Variants in MAGI2 observed in about 807,000 individuals in gnomAD.
The protein encoded by MAGI2 is membrane associated guanylate kinase, WW and PDZ domain containing 2, also known as membrane-associated guanylate kinase, WW and PDZ domain-containing protein 2.
A neutral mutation model predicts 133.3 loss-of-function variants in MAGI2; 35 were observed. The ratio of observed to expected loss-of-function variants is 0.26; its 90% confidence interval spans 0.20 to 0.35. The LOEUF is 0.35. Among genes scored for constraint, MAGI2 ranks in the 10% least tolerant of loss-of-function variants. The pLI is 1.00. For synonymous variants in MAGI2, 729 were observed against 710.6 expected, an observed-to-expected ratio of 1.03 and a Z score of -0.41; for missense variants, 1,636 against 1,863.4, an observed-to-expected ratio of 0.88 and a Z score of 2.25.
chr7:79,009,226 T>A (rs1807795670), intron 1 of MAGI2: 1 of 152,124 alleles, frequency 6.6e-6, no homozygotes, highest in South Asian at 2.1e-4. Flanking sequence ...TAAACCTTTT[T>A]TTTTCTTTAC....
intron 2 of MAGI2, among the ~76,000 whole-genome samples, chr7:78,994,044 A>T (rs1005770717): frequency 6.6e-5 from 10 of 151,894 alleles, no homozygotes; most frequent in African/African-American, 2.4e-4. Context: ...TCGATTCTGT[A>T]TGTGCCTAGT....
intron 2 of MAGI2, chr7:79,000,284 G>A (rs368341388): frequency 9.9e-5 from 15 of 152,176 alleles, no homozygotes; most frequent in African/African-American, 3.6e-4. Flanking sequence ...TAATCCACAG[G>A]TTGATGTCAC....
chr7:79,161,413 A>G (rs527469046), intron 1 of MAGI2, among the ~76,000 whole-genome samples: 225 of 152,186 alleles, frequency 1.5e-3, no homozygotes, highest in African/African-American at 5.3e-3. Flanking sequence ...TTCGATAACA[A>G]TGACTGAACT....
intron 9 of MAGI2, among the ~76,000 whole-genome samples, chr7:78,264,027 C>G (rs566296046): frequency 6.6e-6 from 1 of 152,052 alleles, no homozygotes; most frequent in Non-Finnish European, 1.5e-5. Flanking sequence ...CCTTTCTGAC[C>G]GCCTCCTTTA....
chr7:78,066,642 A>G (rs1813858643), intron 21 of MAGI2, among the ~76,000 whole-genome samples: 1 of 152,174 alleles, frequency 6.6e-6, no homozygotes. Context: ...AGCTCAGATC[A>G]TGGACTACAG....
chr7:78,727,736 A>T (rs10485917), intron 2 of MAGI2, among the ~76,000 whole-genome samples: 9,639 of 152,272 alleles, frequency 0.063, 529 homozygotes, highest in East Asian at 0.23. Context: ...GCTTGCTGTG[A>T]AACTAATGCT....
chr7:78,456,441 T>C (rs1563023838), intron 6 of MAGI2, among the ~76,000 whole-genome samples: 2 of 152,210 alleles, frequency 1.3e-5, no homozygotes, highest in African/African-American at 4.8e-5. Flanking sequence ...TCATCACTTA[T>C]GCATTTATTT....
intron 6 of MAGI2, among the ~76,000 whole-genome samples, chr7:78,454,890 G>C (rs1437631204): frequency 6.6e-6 from 1 of 152,162 alleles, no homozygotes; most frequent in East Asian, 1.9e-4. Context: ...AAAAAGATCA[G>C]TGGTTAAGGG....
intron 2 of MAGI2, among the ~76,000 whole-genome samples, chr7:78,907,397 C>T (rs897618265): frequency 1.3e-5 from 2 of 152,144 alleles, no homozygotes; most frequent in Non-Finnish European, 2.9e-5. Flanking sequence ...AATTTTCCCT[C>T]AGACCATATT....
chr7:78,362,913 C>T (rs1792975457), intron 7 of MAGI2, among the ~76,000 whole-genome samples: 1 of 152,168 alleles, frequency 6.6e-6, no homozygotes, highest in Non-Finnish European at 1.5e-5. Context: ...CAGTCATATT[C>T]CCTTAGAAAA....
chr7:78,394,976 C>T (rs191090278), intron 6 of MAGI2, among the ~76,000 whole-genome samples: 1 of 152,274 alleles, frequency 6.6e-6, no homozygotes, highest in African/African-American at 2.4e-5. Flanking sequence ...TTAACCTGAA[C>T]TGGATCTACA....
chr7:79,321,770 A>G (rs1839203779), intron 1 of MAGI2, among the ~76,000 whole-genome samples: 1 of 152,218 alleles, frequency 6.6e-6, no homozygotes, highest in African/African-American at 2.4e-5. Flanking sequence ...AGAATGAACT[A>G]GAGAGCTAAC....
chr7:79,301,851 G>A (rs1176116458), intron 1 of MAGI2, among the ~76,000 whole-genome samples: 1 of 152,146 alleles, frequency 6.6e-6, no homozygotes, highest in Non-Finnish European at 1.5e-5. Context: ...TTCATGGCTT[G>A]GTGCTGTCTT....
chr7:78,227,850 T>TTG (rs3085614), intron 10 of MAGI2, among the ~76,000 whole-genome samples: 27,205 of 145,510 alleles, frequency 0.19, 2,643 homozygotes, highest in East Asian at 0.29. Context: ...TCTTACTCAG[T>TTG]TGTGTGTGTG....
At chr7:78,687,863 G>A (rs957444806) in intron 2 of MAGI2, among the ~76,000 whole-genome samples, 11 of 150,678 alleles carry the variant, frequency 7.3e-5, no homozygotes, top group African/African-American at 9.8e-5. Flanking sequence ...CCAGCTACTC[G>A]GGAGGCGAAG....
At chr7:79,205,904 C>G (rs1040909355) in intron 1 of MAGI2, among the ~76,000 whole-genome samples, 1 of 150,768 alleles carries the variant, frequency 6.6e-6, no homozygotes, top group Non-Finnish European at 1.5e-5. Flanking sequence ...AGCAAGAAAT[C>G]AAAACATATC....
chr7:78,433,844 T>C (rs933926019), intron 6 of MAGI2, among the ~76,000 whole-genome samples: 2 of 152,086 alleles, frequency 1.3e-5, no homozygotes, highest in Non-Finnish European at 2.9e-5. Context: ...AGTCCAACAA[T>C]ATAAAATGTG....
intron 1 of MAGI2, among the ~76,000 whole-genome samples, chr7:79,165,247 A>G (rs796766352): frequency 9.5e-4 from 145 of 151,878 alleles, no homozygotes; most frequent in African/African-American, 3.3e-3. Context: ...GAGTATTGAA[A>G]TAGATTAACA....
intron 1 of MAGI2, among the ~76,000 whole-genome samples, chr7:79,395,851 A>G (rs370248732): frequency 2.6e-5 from 4 of 152,190 alleles, no homozygotes; most frequent in Admixed American, 6.5e-5. Context: ...AGACCATTCA[A>G]TGTAAGGAGA....
Sources: allele counts gnomAD v4.1 joint callset (sites outside exome capture counted in the v4.1 genomes callset), GRCh38; gene constraint gnomAD v4.1.1; transcripts MANE v1.5; gene names NCBI Gene and HGNC (gene_info 2026-07-23, HGNC 2026-07-21).